The following KIF21B variants were observed in gnomAD, a reference collection of about 807,000 sequenced individuals.
KIF21B encodes kinesin family member 21B.
A neutral mutation model predicts 192.9 loss-of-function variants in KIF21B; 85 were observed. The ratio of observed to expected loss-of-function variants is 0.44; its 90% CI spans 0.37 to 0.53. The LOEUF (loss-of-function observed/expected upper bound fraction) is 0.53. KIF21B is among the 20% of genes least tolerant of loss of function. The pLI, the probability that KIF21B is intolerant of heterozygous loss-of-function variation, is 0.00. For synonymous variants in KIF21B, 832 were observed against 884.6 expected, an observed-to-expected ratio of 0.94 and a Z score of 1.05; for missense variants, 1,716 against 2,194.8, an observed-to-expected ratio of 0.78 and a Z score of 4.36.
rs368704611 is a variant in KIF21B at position 201,008,783 on chromosome 1, C to T, written c.433G>A (p.Ala145Thr). Residue 145 changes from alanine (A) to threonine (T), a missense_variant, in exon 3 of 35, where the codon GCC becomes ACC. Coordinates refer to ENST00000461742, the MANE Select transcript of KIF21B (RefSeq NM_001252102.2). ...GGCCACAGTACCTCCAGAAACTGGG[C>T]GCTGACTTTGAACTCAGGTCCAGCC... ...GVAGPEFKVS[A>T]QFLELYNEEI... The T allele has an allele frequency of 6.9e-6, 11 of 1,599,446 alleles. No individual in the cohort carries two copies. Among genetic ancestry groups the T allele is most frequent in the South Asian group, 3.3e-5 (3 of 90,758 alleles).
intron 27 of KIF21B, among the ~76,000 whole-genome samples, chr1:200,983,715 C>T (rs1306443397): frequency 6.6e-6 from 1 of 152,174 alleles, no homozygotes; most frequent in African/African-American, 2.4e-5. Flanking sequence ...CTGCCCCAAT[C>T]CTTCCAAAAA....
rs144887931 is a variant in KIF21B at position 200,975,742 on chromosome 1, C to T, written c.4444-73G>A. The T allele has an allele frequency of 1.3e-3, 1,813 of 1,447,056 alleles. 27 individuals carry two copies. In the African/African-American group the frequency reaches 0.023, roughly 19 times the overall value. 89.6% of individuals were successfully genotyped at this position (1,447,056 alleles called of 1,614,324 possible). A position where few individuals can be genotyped will look rare whatever the true frequency, so the allele number is the denominator to read the frequency against. ...GGCAGGGCCTACAGCACTGTGGACC[C>T]AGAGGCCTGAAGACCCAGGAGTCTG... On this transcript the variant is annotated intron_variant, in intron 32 of 34. Transcript: ENST00000461742. This position sits in a 1 kb window ranked among gnomAD's most constrained non-coding sequence, Gnocchi z 4.3.
Position 200,990,625 on chromosome 1 carries a change from T to C in KIF21B, c.2786A>G (p.Gln929Arg). The C allele has an allele frequency of 6.2e-7, 1 of 1,614,134 alleles. No homozygotes were observed. Among genetic ancestry groups the C allele is most frequent in the Non-Finnish European group, 8.5e-7 (1 of 1,179,992 alleles). ...CTCCAGGTTGACAATGGTCATTCTC[T>C]GCATGACGATGTCAATGATCCGTCG... is the stretch of plus-strand genomic sequence containing the variant. ...LERRIIDIVM[Q>R]RMTIVNLEAD... The change falls in exon 19 of 35, where the codon CAG becomes CGG. Residue 929 changes from glutamine (Q) to arginine (R), a missense_variant. Gln to Arg is a conservative substitution (Grantham distance 43, BLOSUM62 1). This residue lies in a region of KIF21B where 1,087 missense variants were observed against 1,316.6 expected (regional missense o/e 0.83). Coordinates refer to ENST00000461742, the MANE Select transcript of KIF21B (RefSeq NM_001252102.2). The surrounding 1 kb of genome is among the most constrained non-coding windows in gnomAD (Gnocchi z 5.4).
chr1:200,997,362 G>A (rs1657129007), intron 14 of KIF21B, among the ~76,000 whole-genome samples: 1 of 151,582 alleles, frequency 6.6e-6, no homozygotes, highest in Admixed American at 6.6e-5. Flanking sequence ...CCCTCTGTCT[G>A]GGACGCTCTT....
intron 32 of KIF21B, among the ~76,000 whole-genome samples, chr1:200,976,127 G>C (rs370581130): frequency 2.6e-5 from 4 of 152,184 alleles, no homozygotes; most frequent in African/African-American, 9.7e-5. Flanking sequence ...GTCTCACTCT[G>C]TTGCCCAGGC....
At chr1:201,020,070 G>C (rs1359017567) in intron 1 of KIF21B, among the ~76,000 whole-genome samples, 1 of 151,878 alleles carries the variant, frequency 6.6e-6, no homozygotes, top group East Asian at 1.9e-4. Context: ...ACTTAACCCT[G>C]TAGTATCAAC....
At position 200,998,682 on chromosome 1, in the gene KIF21B, C is replaced by A; in HGVS notation, c.1886-107G>T. 4 of 936,478 alleles carry A rather than the reference C, an allele frequency of 4.3e-6. No homozygotes were observed. Among genetic ancestry groups the A allele is most frequent in the Non-Finnish European group, 6.5e-6 (4 of 614,558 alleles). 58.0% of individuals were successfully genotyped at this position (936,478 alleles called of 1,614,324 possible). A position where few individuals can be genotyped will look rare whatever the true frequency, so the allele number is the denominator to read the frequency against. ...GGACCCTCCTTTGGTCAGCCATGAC[C>A]AATCAGTGACCAGAGACTGGGCAAA... On this transcript the variant is annotated intron_variant, in intron 13 of 34. Coordinates refer to ENST00000461742, the MANE Select transcript of KIF21B (RefSeq NM_001252102.2). This position sits in a 1 kb window ranked among gnomAD's most constrained non-coding sequence, Gnocchi z 4.3.
At chr1:201,010,462 TCAC>T (rs1298263304) in intron 1 of KIF21B, among the ~76,000 whole-genome samples, 1 of 151,966 alleles carries the variant, frequency 6.6e-6, no homozygotes, top group African/African-American at 2.4e-5. Flanking sequence ...CAAGCAGCCA[TCAC>T]CACGACATGG....
At chr1:201,011,371 C>T (rs1050258174) in intron 1 of KIF21B, among the ~76,000 whole-genome samples, 1 of 152,238 alleles carries the variant, frequency 6.6e-6, no homozygotes, top group Non-Finnish European at 1.5e-5. Flanking sequence ...GATTATGACC[C>T]TCGTGTATGG....
In KIF21B at chr1:201,000,829, C is replaced by T. The variant is rs765078085; in HGVS notation, c.1403-49G>A. The T allele has an allele frequency of 1.5e-5, 24 of 1,595,670 alleles. No individual in the cohort carries two copies. The East Asian group carries it at 4.0e-4, about 27-fold the overall frequency. On this transcript the variant is annotated intron_variant, in intron 9 of 34. Coordinates refer to ENST00000461742, the MANE Select transcript of KIF21B (RefSeq NM_001252102.2). This position sits in a 1 kb window ranked among gnomAD's most constrained non-coding sequence, Gnocchi z 6.0. ...GGGTGCGATAAAGAAGATAAATAGG[C>T]CAGCGCGGTGGCTCAGACCTATAAT...
intron 16 of KIF21B, 37 bp downstream of exon 16, chr1:200,992,244 GC>G: frequency 6.3e-7 from 1 of 1,592,110 alleles, no homozygotes; most frequent in Non-Finnish European, 8.6e-7. Context: ...GAGTGCTAGG[GC>G]CAAAGGCTCC....
chr1:200,978,819 T>C (rs1655727719), intron 30 of KIF21B, among the ~76,000 whole-genome samples: 1 of 152,170 alleles, frequency 6.6e-6, no homozygotes, highest in African/African-American at 2.4e-5. Flanking sequence ...CCTGAGTAGC[T>C]GGGACTACAG....
At chr1:201,001,979 G>T in intron 9 of KIF21B, 182 bp downstream of exon 9, 1 of 601,460 alleles carries the variant, frequency 1.7e-6, no homozygotes, top group Non-Finnish European at 3.0e-6. Flanking sequence ...CAAGAAGGAT[G>T]TGTTCATGTA....
chr1:201,002,210 GC>G lies in KIF21B; in HGVS notation c.1352del (p.Arg451ProfsTer6). 1 of 1,614,178 alleles carries G rather than the reference GC, an allele frequency of 6.2e-7. No individual in the cohort carries two copies. The highest frequency in any genetic ancestry group is 8.5e-7 in the Non-Finnish European group (1 of 1,180,026). ...MQEAIDAINN[R>X]VTQLMSQEAN... is the part of the protein sequence containing the mutation. ...CCTCCTGGCTCATGAGCTGGGTGACGCGGTTGTTGATGGCATCGATGGCCTC... is the reference window on the plus strand; with the variant it reads ...CCTCCTGGCTCATGAGCTGGGTGACGGGTTGTTGATGGCATCGATGGCCTC... On this transcript the variant is annotated frameshift_variant, in exon 9 of 35. Coordinates refer to ENST00000461742, the MANE Select transcript of KIF21B (RefSeq NM_001252102.2). LOFTEE classifies it high-confidence loss of function.
rs545618028 is a variant in KIF21B at position 200,994,262 on chromosome 1, T to C, written c.2278-1873A>G. On this transcript the variant is annotated intron_variant, in intron 15 of 34. Coordinates refer to ENST00000461742, the MANE Select transcript of KIF21B (RefSeq NM_001252102.2). The stretch of plus-strand genomic sequence containing the variant: ...CTTCGCAGGTTTAAGGTAGAAGGCA[T>C]TGTGGCCTCTCCCTGGGAGACCCCG... Among the ~76,000 whole-genome samples the C allele has an allele frequency of 6.6e-5, 10 of 152,340 alleles. No individual in the cohort carries two copies. The East Asian group carries it at 1.7e-3, about 26-fold the overall frequency.
chr1:200,988,184 G>T, intron 24 of KIF21B, 112 bp downstream of exon 24: 1 of 1,100,322 alleles, frequency 9.1e-7, no homozygotes, highest in South Asian at 1.3e-5. Context: ...CTCCCAGCTG[G>T]GGACAACATT....
In KIF21B at chr1:201,003,775, G is replaced by A. The variant is rs267598291; in HGVS notation, c.1023C>T (p.Thr341=). Residue 341 remains threonine (T), a synonymous_variant, in exon 8 of 35, where the codon ACC becomes ACT. Coordinates refer to ENST00000461742, the MANE Select transcript of KIF21B (RefSeq NM_001252102.2). ...AGGGGCTCACACAGGCGATCATGAT[G>A]GTCTGGCTGGGGGTGCAGAAAGGCT... ...LQDSLGGNSQ[T]IMIACVSPSD... is the part of the protein sequence containing the mutation. The A allele has an allele frequency of 6.2e-7, 1 of 1,614,164 alleles. No homozygotes were observed. Among genetic ancestry groups the A allele is most frequent in the Non-Finnish European group, 8.5e-7 (1 of 1,180,012 alleles).
At chr1:200,977,431 C>A in intron 30 of KIF21B, 55 bp from the exon 31 acceptor site, 2 of 1,568,670 alleles carry the variant, frequency 1.3e-6, no homozygotes, top group Non-Finnish European at 8.7e-7. Flanking sequence ...GTGCACAGTG[C>A]AGGAAACCAA....
rs2102436549 is a variant in KIF21B, at chr1:201,000,062, C to A, written c.1686-98G>T. ...AGCGGCAGAAAAGGAAGGCTCTCAC[C>A]AGAGGCCGGGGAGAGCACTGGCTCC... On this transcript the variant is annotated intron_variant, in intron 11 of 34. Coordinates refer to ENST00000461742, the MANE Select transcript of KIF21B (RefSeq NM_001252102.2). The surrounding 1 kb of genome is among the most constrained non-coding windows in gnomAD (Gnocchi z 6.0). 2 of 1,117,584 alleles carry A rather than the reference C, an allele frequency of 1.8e-6. No homozygotes were observed. Among genetic ancestry groups the A allele is most frequent in the East Asian group, 4.7e-5 (2 of 42,188 alleles). The allele number at this position is 1,117,584 out of a possible 1,614,324, so 69.2% of individuals were successfully genotyped here. A position where few individuals can be genotyped will look rare whatever the true frequency, so the allele number is the denominator to read the frequency against.
Sources: gnomAD v4.1 joint callset for allele counts (sites outside exome capture counted in the v4.1 genomes callset) on GRCh38, gnomAD v4.1.1 for gene constraint, gnomAD v4.1.1 regional missense constraint, Gnocchi (gnomAD v3.1) non-coding constraint, MANE v1.5 for transcripts, NCBI Gene and HGNC (gene_info 2026-07-23, HGNC 2026-07-21) for gene names.